WDR1: variants seen among roughly 807,000 people sequenced by gnomAD.
WDR1 encodes the protein WD repeat domain 1.
In WDR1, 21 loss-of-function variants were observed where a neutral mutation model predicts 71.9. The observed-to-expected ratio is 0.29, with a 90% CI of 0.21 to 0.42. The LOEUF (loss-of-function observed/expected upper bound fraction) is 0.42, where lower values mean the gene tolerates loss of function less well. Among genes scored for constraint, WDR1 ranks in the 10% least tolerant of loss-of-function variants. The pLI is 1.00. For missense variants in WDR1, 696 were observed against 824.5 expected, an observed-to-expected ratio of 0.84 and a Z score of 1.91; for synonymous variants, 424 against 347.4, an observed-to-expected ratio of 1.22 and a Z score of -2.45.
In WDR1 at chr4:10,116,744, G is replaced by C. The variant is rs1453434622; in HGVS notation, c.-78C>G. The C allele has an allele frequency of 2.8e-5, 36 of 1,266,644 alleles. No homozygotes were observed. The highest frequency in any genetic ancestry group is 4.0e-5 in the Admixed American group (1 of 24,982). The allele number at this position is 1,266,644 out of a possible 1,614,324, so 78.5% of individuals were successfully genotyped here. On this transcript the variant is annotated 5_prime_UTR_variant, in exon 1 of 15. Coordinates refer to ENST00000499869, the MANE Select transcript of WDR1 (RefSeq NM_017491.5). ...CGCGCTGCGAATTACACCTCGCCGA[G>C]GCCGAGCCCGGGGACTGGAGCCGGA...
At chr4:10,091,861 C>G (rs922029173) in intron 5 of WDR1, 4 of 152,632 alleles carry the variant, frequency 2.6e-5, no homozygotes, top group Non-Finnish European at 4.4e-5. Flanking sequence ...CCCGAGAGAG[C>G]TGCAGGAAGG....
intron 3 of WDR1, among the ~76,000 whole-genome samples, chr4:10,099,830 G>T (rs1712581972): frequency 6.6e-6 from 1 of 152,364 alleles, no homozygotes; most frequent in South Asian, 2.1e-4. Context: ...TGTGAGAGTA[G>T]CAGGTGGGTG....
chr4:10,109,254 T>C (rs76754641), intron 2 of WDR1, among the ~76,000 whole-genome samples: 15,761 of 152,286 alleles, frequency 0.1, 1,053 homozygotes, highest in East Asian at 0.31. Flanking sequence ...TCAGGGCCAG[T>C]TGCTGACTCA....
chr4:10,111,182 A>G (rs891803386), intron 2 of WDR1, among the ~76,000 whole-genome samples: 1 of 152,212 alleles, frequency 6.6e-6, no homozygotes, highest in African/African-American at 2.4e-5. Flanking sequence ...CCTTCAGAGC[A>G]GGGCTGCGCT....
chr4:10,093,547 C>G (rs924307427), intron 5 of WDR1, among the ~76,000 whole-genome samples: 1 of 152,268 alleles, frequency 6.6e-6, no homozygotes, highest in African/African-American at 2.4e-5. Flanking sequence ...CTGCCTCTCC[C>G]GTCACCCGGG....
chr4:10,105,217 C>T (rs947289753), intron 2 of WDR1, among the ~76,000 whole-genome samples: 3 of 152,146 alleles, frequency 2.0e-5, no homozygotes, highest in East Asian at 1.9e-4. Flanking sequence ...ACATGTCCAC[C>T]GGGATGGCAC....
intron 2 of WDR1, among the ~76,000 whole-genome samples, chr4:10,104,231 T>C (rs962815483): frequency 6.6e-6 from 1 of 150,650 alleles, no homozygotes; most frequent in African/African-American, 2.5e-5. Flanking sequence ...AACAAGGTGA[T>C]TTTTTTCCTT....
intron 2 of WDR1, among the ~76,000 whole-genome samples, chr4:10,114,420 T>G (rs76717147): frequency 6.6e-6 from 1 of 152,206 alleles, no homozygotes; most frequent in South Asian, 2.1e-4. Context: ...GACTCCTCTT[T>G]AGAGTAACGG....
chr4:10,096,429 T>C (rs1448326191), intron 5 of WDR1: 1 of 152,186 alleles, frequency 6.6e-6, no homozygotes, highest in Non-Finnish European at 1.5e-5. Flanking sequence ...ACCCATTAGG[T>C]GGTAGCCACA....
At chr4:10,077,280 C>A in intron 14 of WDR1, 24 bp downstream of exon 14, 1 of 1,613,216 alleles carries the variant, frequency 6.2e-7, no homozygotes, top group Non-Finnish European at 8.5e-7. Flanking sequence ...GTGGTCCCTG[C>A]CAAGGCCTGG....
intron 8 of WDR1, among the ~76,000 whole-genome samples, chr4:10,087,173 C>T (rs896757360): frequency 2.0e-5 from 3 of 152,234 alleles, no homozygotes; most frequent in Non-Finnish European, 2.9e-5. Context: ...CTGCTCCCAT[C>T]GCTCCCTTAT....
intron 5 of WDR1, among the ~76,000 whole-genome samples, chr4:10,093,886 AG>A (rs1712164895): frequency 6.6e-6 from 1 of 152,278 alleles, no homozygotes; most frequent in Non-Finnish European, 1.5e-5. Context: ...AATATGAAAA[AG>A]AAAAACCACC....
intron 2 of WDR1, among the ~76,000 whole-genome samples, chr4:10,111,067 G>C (rs1419106511): frequency 1.3e-5 from 2 of 152,230 alleles, no homozygotes; most frequent in African/African-American, 2.4e-5. Context: ...TCTTTGAGCA[G>C]CTTCCTAATT....
At chr4:10,102,998 A>G (rs986855565) in intron 3 of WDR1, among the ~76,000 whole-genome samples, 1 of 152,044 alleles carries the variant, frequency 6.6e-6, no homozygotes, top group African/African-American at 2.4e-5. Flanking sequence ...TACCACTCTC[A>G]CTCCTGTACC....
intron 3 of WDR1, among the ~76,000 whole-genome samples, chr4:10,101,380 T>A (rs745609342): frequency 7.2e-5 from 11 of 152,254 alleles, no homozygotes; most frequent in Non-Finnish European, 1.2e-4. Context: ...CGGCTCTTTC[T>A]CAGCCCCCTT....
chr4:10,099,093 G>T lies in WDR1; in HGVS notation c.276C>A (p.His92Gln). ...AAGGCTGGTACTCATACTTCAACAG[G>T]TGCTCCTTCTGCGTGGTATCCCAGA... ...LRIWDTTQKE[H>Q]LLKYEYQPFA... is the part of the protein sequence containing the mutation. Residue 92 changes from histidine to glutamine, a missense_variant, in exon 4 of 15, where the codon CAC becomes CAA. By Grantham distance (24) the His-to-Gln change is conservative. Transcript: ENST00000499869. 6.2e-7 allele frequency: 1 copy of T among 1,613,286 alleles called. No homozygotes were observed. Among genetic ancestry groups the T allele is most frequent in the Non-Finnish European group, 8.5e-7 (1 of 1,179,780 alleles).
rs1354712682 is a variant in WDR1 at position 10,116,785 on chromosome 4, T to G, written c.-119A>C. The G allele has an allele frequency of 1.7e-6, 2 of 1,177,352 alleles. No homozygotes were observed. Among genetic ancestry groups the G allele is most frequent in the African/African-American group, 3.2e-5 (2 of 61,992 alleles). The allele number at this position is 1,177,352 out of a possible 1,614,324, so 72.9% of individuals were successfully genotyped here. A position where few individuals can be genotyped will look rare whatever the true frequency, so the allele number is the denominator to read the frequency against. On this transcript the variant is annotated 5_prime_UTR_variant, in exon 1 of 15. Coordinates refer to ENST00000499869, the MANE Select transcript of WDR1 (RefSeq NM_017491.5). ...TGGAGCCGGAAGGCGGCACCGGGCGTGCCGGGAGTGGAGTGGGCGGTCCGA... is the reference window on the plus strand; with the variant it reads ...TGGAGCCGGAAGGCGGCACCGGGCGGGCCGGGAGTGGAGTGGGCGGTCCGA...
intron 10 of WDR1, among the ~76,000 whole-genome samples, chr4:10,081,951 CTG>C (rs1765032219): frequency 6.6e-6 from 1 of 152,216 alleles, no homozygotes; most frequent in South Asian, 2.1e-4. Flanking sequence ...TTCTTGAAAA[CTG>C]AGATAATCAA....
chr4:10,102,707 C>T (rs1369398518), intron 3 of WDR1, among the ~76,000 whole-genome samples: 1 of 152,228 alleles, frequency 6.6e-6, no homozygotes, highest in African/African-American at 2.4e-5. Flanking sequence ...GGCCTACCAT[C>T]TCCCATACAC....
Sources: allele counts gnomAD v4.1 joint callset (sites outside exome capture counted in the v4.1 genomes callset), GRCh38; gene constraint gnomAD v4.1.1; transcripts MANE v1.5; gene names NCBI Gene and HGNC (gene_info 2026-07-23, HGNC 2026-07-21).